The following NBAS variants were observed in gnomAD, a reference collection of about 807,000 sequenced individuals.
The protein encoded by NBAS is NAG/BC035112 fusion.
Under a neutral mutation model 302.5 loss-of-function variants are expected in NBAS, and 219 were observed. The observed-to-expected ratio is 0.72, with a 90% CI of 0.65 to 0.81. The LOEUF is 0.81. NBAS is among the 30% of genes least tolerant of loss of function. The pLI, the probability that NBAS is intolerant of heterozygous loss-of-function variation, is 0.00. For synonymous variants in NBAS, 1,118 were observed against 1,021.6 expected (o/e 1.09, Z -1.80); for missense variants, 2,932 against 2,841.6 (o/e 1.03, Z -0.72).
At chr2:14,886,421 T>C in the NBAS span, among the ~76,000 whole-genome samples, 1 of 152,222 alleles carries the variant, frequency 6.6e-6, no homozygotes, top group Non-Finnish European at 1.5e-5. Context: ...CCAACAAACC[T>C]GCAGTTCCTT....
At chr2:15,315,796 C>T (rs1403002542) in intron 38 of NBAS, among the ~76,000 whole-genome samples, 4 of 152,142 alleles carry the variant, frequency 2.6e-5, no homozygotes, top group African/African-American at 9.7e-5. Flanking sequence ...CTATAATGTG[C>T]CTAGCCCAGG....
At chr2:14,922,474 G>A in the NBAS span, among the ~76,000 whole-genome samples, 1 of 152,154 alleles carries the variant, frequency 6.6e-6, no homozygotes, top group Non-Finnish European at 1.5e-5. Context: ...GGTGAGTTTG[G>A]TTCCTCCTGA....
At chr2:14,789,049 C>T in the NBAS span, among the ~76,000 whole-genome samples, 70 of 152,346 alleles carry the variant, frequency 4.6e-4, no homozygotes, top group Middle Eastern at 3.4e-3. Context: ...GGCGCCCCTC[C>T]CCCAGCCTCG....
chr2:15,239,401 GTATA>G (rs3085556), intron 44 of NBAS, among the ~76,000 whole-genome samples: 5 of 144,652 alleles, frequency 3.5e-5, no homozygotes, highest in East Asian at 4.2e-4. Flanking sequence ...GTGTGTGTGT[GTATA>G]TATATATATA....
At chr2:15,478,381 T>TCAAGG in intron 12 of NBAS, 92 bp from the exon 13 acceptor site, 1 of 915,042 alleles carries the variant, frequency 1.1e-6, no homozygotes, top group Non-Finnish European at 1.8e-6. Flanking sequence ...AATAAAGAGA[T>TCAAGG]GACGCTTTCC....
At chr2:15,214,410 T>G (rs539273488) in intron 48 of NBAS, among the ~76,000 whole-genome samples, 1 of 152,326 alleles carries the variant, frequency 6.6e-6, no homozygotes, top group Non-Finnish European at 1.5e-5. Context: ...TTAGGCTGTA[T>G]AGTCACTTTA....
At chr2:15,412,007 C>G (rs908403213) in intron 25 of NBAS, among the ~76,000 whole-genome samples, 5 of 152,022 alleles carry the variant, frequency 3.3e-5, no homozygotes, top group Admixed American at 6.6e-5. Context: ...GGCTTAAAAT[C>G]AGAAAGGAGT....
the NBAS span, among the ~76,000 whole-genome samples, chr2:14,784,168 G>GT: frequency 6.6e-6 from 1 of 152,086 alleles, no homozygotes; most frequent in Non-Finnish European, 1.5e-5. Context: ...TGATGGGGTT[G>GT]TTTTTTTCTT....
In NBAS at chr2:15,543,931, C is replaced by T. The variant is rs573531005; in HGVS notation, c.380-4575G>A. Among the ~76,000 whole-genome samples the T allele has an allele frequency of 7.2e-5, 11 of 152,190 alleles. No individual in the cohort carries two copies. In the East Asian group the frequency reaches 1.9e-3, roughly 27 times the overall value. ...TTGTTCATAATGTTTATGACCAGTG[C>T]CTAGTACTCTGGTGGGACATAACAA... On this transcript the variant is annotated intron_variant, in intron 6 of 51. Transcript: ENST00000281513.
intron 11 of NBAS, among the ~76,000 whole-genome samples, chr2:15,491,514 A>G (rs1572923336): frequency 6.6e-6 from 1 of 152,328 alleles, no homozygotes; most frequent in East Asian, 1.9e-4. Context: ...AGGCGGGCAC[A>G]TCACGAGGTC....
chr2:15,374,660 G>A lies in NBAS; in HGVS notation c.3651C>T (p.Ile1217=). The A allele has an allele frequency of 6.2e-7, 1 of 1,613,970 alleles. No individual in the cohort carries two copies. The highest frequency in any genetic ancestry group is 8.5e-7 in the Non-Finnish European group (1 of 1,179,882). ...PPAIQEELDL[I]QAVGCLEEFG... ...ATTCTTCAAGACATCCAACGGCTTG[G>A]ATAAGATCTAGCTCCTCTTGAATGG... Residue 1217 remains isoleucine (I), a synonymous_variant, in exon 31 of 52, where the codon ATC becomes ATT. Coordinates refer to ENST00000281513, the MANE Select transcript of NBAS (RefSeq NM_015909.4).
chr2:15,240,348 A>ATAAGAAC, intron 44 of NBAS, among the ~76,000 whole-genome samples: 1 of 151,420 alleles, frequency 6.6e-6, no homozygotes, highest in East Asian at 2.0e-4. Context: ...GACGCCTGTC[A>ATAAGAAC]TCCCAGGACT....
the NBAS span, among the ~76,000 whole-genome samples, chr2:14,805,354 C>A: frequency 6.6e-6 from 1 of 151,792 alleles, no homozygotes; most frequent in Non-Finnish European, 1.5e-5. Flanking sequence ...CAGGAAGAGA[C>A]AAAAGAGATG....
chr2:15,519,747 G>A (rs1209434721), intron 9 of NBAS, among the ~76,000 whole-genome samples: 1 of 152,094 alleles, frequency 6.6e-6, no homozygotes, highest in Non-Finnish European at 1.5e-5. Context: ...ATGCAGCCAA[G>A]AATTTGCATT....
intron 9 of NBAS, among the ~76,000 whole-genome samples, chr2:15,517,846 G>A (rs1312686019): frequency 1.3e-5 from 2 of 152,158 alleles, no homozygotes; most frequent in Admixed American, 6.5e-5. Context: ...GGTTCAGTTC[G>A]CTGCCATACC....
chr2:15,177,233 C>A (rs1381142011), intron 51 of NBAS, among the ~76,000 whole-genome samples: 1 of 152,168 alleles, frequency 6.6e-6, no homozygotes, highest in Middle Eastern at 3.2e-3. Context: ...AGGCTTAGCA[C>A]CATGCAGCAC....
the NBAS span, among the ~76,000 whole-genome samples, chr2:14,783,758 G>A: frequency 6.6e-6 from 1 of 152,008 alleles, no homozygotes; most frequent in Non-Finnish European, 1.5e-5. Flanking sequence ...CTTTGCTATT[G>A]TGAATAGTGC....
rs999967267 is a variant in NBAS at position 15,353,556 on chromosome 2, T to A, written c.4086A>T (p.Thr1362=). The change falls in exon 34 of 52, where the codon ACA becomes ACT. Residue 1362 remains threonine, a synonymous_variant. Transcript: ENST00000281513. ...TTTCCTTTATCGAAGGACTTACTTC[T>A]GTCTGCAGAGAGCTGCTAGCTGCCA... The part of the protein sequence containing the change: ...LLLAASSSLQ[T]EILYQRVNFQ... 1 of 1,614,026 alleles carries A rather than the reference T, an allele frequency of 6.2e-7. No homozygotes were observed. The highest frequency in any genetic ancestry group is 1.7e-5 in the Admixed American group (1 of 60,024).
intron 51 of NBAS, among the ~76,000 whole-genome samples, chr2:15,172,145 G>A (rs745626184): frequency 1.3e-5 from 2 of 152,164 alleles, no homozygotes; most frequent in African/African-American, 2.4e-5. Flanking sequence ...GTCACATCAC[G>A]AACTTCTCAG....
Sources: gnomAD v4.1 joint callset for allele counts (sites outside exome capture counted in the v4.1 genomes callset) on GRCh38, gnomAD v4.1.1 for gene constraint, MANE v1.5 for transcripts, NCBI Gene and HGNC (gene_info 2026-07-23, HGNC 2026-07-21) for gene names.